Variants in ZNF557 observed in about 807,000 individuals in gnomAD.
ZNF557 encodes CTB-25J19.9.
Under a neutral mutation model 21.2 loss-of-function variants are expected in ZNF557, and 19 were observed. The observed-to-expected ratio is 0.90, with a 90% CI of 0.63 to 1.32. ZNF557 has a LOEUF of 1.32. Among genes scored for constraint, ZNF557 ranks in the 40% most tolerant of loss-of-function variants. ZNF557 has a pLI of 0.00. For missense variants in ZNF557, 487 were observed against 519.8 expected, an observed-to-expected ratio of 0.94 and a Z score of 0.61; for synonymous variants, 207 against 194.8, an observed-to-expected ratio of 1.06 and a Z score of -0.52.
rs1022109232 is a variant in ZNF557, at chr19:7,087,619, GCT to G, written c.*3878_*3879del. 4 of 151,636 alleles carry G rather than the reference GCT, an allele frequency of 2.6e-5. No homozygotes were observed. Among genetic ancestry groups the G allele is most frequent in the African/African-American group, 9.7e-5 (4 of 41,266 alleles). The allele number at this position is 151,636 out of a possible 1,614,324, so 9.4% of individuals were successfully genotyped here. A position where few individuals can be genotyped will look rare whatever the true frequency, so the allele number is the denominator to read the frequency against. ...CAAAAACCTTTGATTGGCTGCATTG[GCT>G]CTGTTCTGCATATTACTAGACTTCT... On this transcript the variant is annotated 3_prime_UTR_variant, in exon 8 of 8. Coordinates refer to ENST00000252840, the MANE Select transcript of ZNF557 (RefSeq NM_024341.3).
rs1977780102 is a variant in ZNF557, at chr19:7,084,006, T to C, written c.*262T>C. The stretch of plus-strand genomic sequence containing the variant: ...AACTGTAATCATCCAGAATTGTTAC[T>C]GGTGAAGGGACCACTTCCAAATGGC... On this transcript the variant is annotated 3_prime_UTR_variant, in exon 8 of 8. Transcript: ENST00000252840. 5.0e-6 allele frequency: 2 copies of C among 397,878 alleles called. No individual in the cohort carries two copies. The highest frequency in any genetic ancestry group is 2.1e-5 in the African/African-American group (1 of 48,388). The allele number at this position is 397,878 out of a possible 1,614,324, so 24.6% of individuals were successfully genotyped here. A position where few individuals can be genotyped will look rare whatever the true frequency, so the allele number is the denominator to read the frequency against.
rs749689786 is a variant in ZNF557, at chr19:7,083,213, C to T, written c.762C>T (p.His254=). 3 of 1,614,218 alleles carry T rather than the reference C, an allele frequency of 1.9e-6. No individual in the cohort carries two copies. Among genetic ancestry groups the T allele is most frequent in the South Asian group, 2.2e-5 (2 of 91,084 alleles). Residue 254 remains histidine, a synonymous_variant, in exon 8 of 8, where the codon CAC becomes CAT. Coordinates refer to ENST00000252840, the MANE Select transcript of ZNF557 (RefSeq NM_024341.3). ...TFSNSSYLRP[H]LRIHTGEKPY... is the part of the protein sequence containing the mutation. Reference sequence around the variant, plus strand: ...GCAATTCCTCATACCTCAGACCGCACTTGAGAATTCACACTGGAGAAAAAC... The same window carrying T: ...GCAATTCCTCATACCTCAGACCGCATTTGAGAATTCACACTGGAGAAAAAC...
intron 5 of ZNF557, among the ~76,000 whole-genome samples, chr19:7,079,734 CTCTGT>C (rs1568408785): frequency 6.6e-6 from 1 of 152,014 alleles, no homozygotes; most frequent in Non-Finnish European, 1.5e-5. Context: ...CCACTGAAGT[CTCTGT>C]TCTGTTAGCT....
At position 7,082,962 on chromosome 19, in the gene ZNF557, A is replaced by G. The variant is rs756970581; in HGVS notation, c.511A>G (p.Arg171Gly). ...FSTKSSLTRH[R>G]KIHTGERPYG... is the part of the protein sequence containing the mutation. ...CACAAAATCTTCCCTTACACGGCAC[A>G]GGAAGATTCATACTGGAGAAAGACC... The change falls in exon 8 of 8, where the codon AGG becomes GGG. Residue 171 changes from arginine (R) to glycine (G), a missense_variant. Arg to Gly is a moderately radical substitution (Grantham distance 125). Coordinates refer to ENST00000252840, the MANE Select transcript of ZNF557 (RefSeq NM_024341.3). 1 of 1,614,138 alleles carries G rather than the reference A, an allele frequency of 6.2e-7. No individual in the cohort carries two copies. Among genetic ancestry groups the G allele is most frequent in the Non-Finnish European group, 8.5e-7 (1 of 1,179,982 alleles).
At chr19:7,078,579 G>A (rs148282378) in intron 5 of ZNF557, among the ~76,000 whole-genome samples, 14 of 151,752 alleles carry the variant, frequency 9.2e-5, no homozygotes, top group African/African-American at 2.4e-4. Context: ...TTACAAACGC[G>A]CACCACCACA....
At chr19:7,072,740 TC>T (rs1364603543) in intron 2 of ZNF557, among the ~76,000 whole-genome samples, 1 of 152,190 alleles carries the variant, frequency 6.6e-6, no homozygotes, top group African/African-American at 2.4e-5. Context: ...TCTTCCCAGA[TC>T]CTGGGTTGGA....
intron 2 of ZNF557, among the ~76,000 whole-genome samples, chr19:7,073,694 C>A (rs1977510906): frequency 6.6e-6 from 1 of 152,100 alleles, no homozygotes; most frequent in African/African-American, 2.4e-5. Context: ...CAGCGAACAA[C>A]TGGCCTGTGG....
intron 5 of ZNF557, among the ~76,000 whole-genome samples, chr19:7,076,734 C>G (rs888756182): frequency 1.3e-5 from 2 of 152,122 alleles, no homozygotes; most frequent in Non-Finnish European, 2.9e-5. Context: ...GAAATGGTCT[C>G]TCCCCAGTTC....
chr19:7,076,489 AG>A lies in ZNF557; in HGVS notation c.231del (p.Asn78ThrfsTer14), dbSNP rs1168930485. The A allele has an allele frequency of 1.2e-6, 2 of 1,614,058 alleles. No individual in the cohort carries two copies. The highest frequency in any genetic ancestry group is 2.7e-5 in the African/African-American group (2 of 74,924). On this transcript the variant is annotated frameshift_variant, in exon 5 of 8. Coordinates refer to ENST00000252840, the MANE Select transcript of ZNF557 (RefSeq NM_024341.3). LOFTEE classifies it high-confidence loss of function. ...LYRDVMLENC[R>X]NLASLGNQVD... Reference sequence around the variant, plus strand: ...CAGGGACGTGATGCTGGAGAACTGCAGGAACCTGGCCTCACTGGGTAAGCCT... The same window carrying A: ...CAGGGACGTGATGCTGGAGAACTGCAGAACCTGGCCTCACTGGGTAAGCCT...
chr19:7,071,964 A>G (rs1172041303), intron 2 of ZNF557, among the ~76,000 whole-genome samples: 1 of 145,600 alleles, frequency 6.9e-6, no homozygotes, highest in Non-Finnish European at 1.5e-5. Flanking sequence ...AAAAAAAAAA[A>G]GATTACCCGG....
Position 7,083,572 on chromosome 19 carries a change from AATCCT to A in ZNF557, c.1124_1128del (p.Ser375Ter). ...CACAGGAGAATACATAATGGAGAGA[AATCCT>A]ATGAGTGCAGTGATTGTGGAAAATC... On this transcript the variant is annotated frameshift_variant, in exon 8 of 8. Transcript: ENST00000252840. LOFTEE classifies it low-confidence loss of function (END_TRUNC). 2 of 1,614,214 alleles carry A rather than the reference AATCCT, an allele frequency of 1.2e-6. No individual in the cohort carries two copies. Among genetic ancestry groups the A allele is most frequent in the Non-Finnish European group, 1.7e-6 (2 of 1,180,040 alleles).
chr19:7,083,951 C>T lies in ZNF557; in HGVS notation c.*207C>T. 1.8e-6 allele frequency: 1 copy of T among 563,428 alleles called. No individual in the cohort carries two copies. Among genetic ancestry groups the T allele is most frequent in the Non-Finnish European group, 3.1e-6 (1 of 320,896 alleles). 34.9% of individuals were successfully genotyped at this position (563,428 alleles called of 1,614,324 possible). A position where few individuals can be genotyped will look rare whatever the true frequency, so the allele number is the denominator to read the frequency against. On this transcript the variant is annotated 3_prime_UTR_variant, in exon 8 of 8. Coordinates refer to ENST00000252840, the MANE Select transcript of ZNF557 (RefSeq NM_024341.3). ...ATAGCTCTATAGTTCTTCAGGATAT[C>T]TCAAGAGGTTACAGTCCAGATGTCA...
At chr19:7,081,191 G>A (rs1455946832) in intron 5 of ZNF557, among the ~76,000 whole-genome samples, 169 bp from the exon 6 acceptor site, 1 of 46,000 alleles carries the variant, frequency 2.2e-5, no homozygotes, top group Non-Finnish European at 4.0e-5. Context: ...GTGTGTGTGT[G>A]TGTGTGTGTG....
At position 7,083,750 on chromosome 19, in the gene ZNF557, A is replaced by G. The variant is rs8110740; in HGVS notation, c.*6A>G. ...TGCATAATAGGCAAATGTGAATTCA[A>G]TAACTGTGGGAAAAGCATTCATTGA... is the stretch of plus-strand genomic sequence containing the variant. On this transcript the variant is annotated 3_prime_UTR_variant, in exon 8 of 8. Transcript: ENST00000252840. 639,554 of 1,584,260 alleles carry G rather than the reference A, an allele frequency of 0.4. 130,325 individuals carry two copies. Among genetic ancestry groups the G allele is most frequent in the East Asian group, 0.53 (23,481 of 44,578 alleles).
chr19:7,070,074 G>T (rs1245304350), intron 1 of ZNF557, among the ~76,000 whole-genome samples: 2 of 152,198 alleles, frequency 1.3e-5, no homozygotes, highest in Non-Finnish European at 2.9e-5. Flanking sequence ...GGAGGCCAGG[G>T]ATGCTAGCAG....
chr19:7,075,838 T>C (rs1443265222), intron 4 of ZNF557, 95 bp downstream of exon 4: 6 of 1,543,366 alleles, frequency 3.9e-6, no homozygotes, highest in Non-Finnish European at 5.3e-6. Context: ...CGGCCAAACT[T>C]GTTCCTCAGG....
intron 5 of ZNF557, among the ~76,000 whole-genome samples, chr19:7,077,657 C>A (rs1331408627): frequency 6.6e-6 from 1 of 152,054 alleles, no homozygotes; most frequent in Non-Finnish European, 1.5e-5. Flanking sequence ...GGGTATATAC[C>A]TAGGAGTGGA....
intron 2 of ZNF557, among the ~76,000 whole-genome samples, chr19:7,073,291 C>T (rs2145163606): frequency 6.6e-6 from 1 of 151,818 alleles, no homozygotes; most frequent in South Asian, 2.1e-4. Context: ...GCTGGGATTA[C>T]AGGCACCCAC....
chr19:7,079,206 T>C (rs1345091110), intron 5 of ZNF557, among the ~76,000 whole-genome samples: 3 of 151,088 alleles, frequency 2.0e-5, no homozygotes, highest in African/African-American at 7.3e-5. Context: ...TCATTTCTTT[T>C]TTCCTATAAT....
Sources: allele counts gnomAD v4.1 joint callset (sites outside exome capture counted in the v4.1 genomes callset), GRCh38; gene constraint gnomAD v4.1.1; transcripts MANE v1.5; gene names NCBI Gene and HGNC (gene_info 2026-07-23, HGNC 2026-07-21).